Variants in BABAM2 observed in about 807,000 individuals in gnomAD.
BABAM2 encodes BRISC and BRCA1 A complex member 2.
Under a neutral mutation model 54.7 loss-of-function variants are expected in BABAM2, and 31 were observed. The ratio of observed to expected loss-of-function variants is 0.57; its 90% CI spans 0.43 to 0.77. The LOEUF is 0.77. Ranked by LOEUF, BABAM2 falls within the 30% of genes least tolerant of loss-of-function variation. The pLI is 0.00. For synonymous variants in BABAM2, 167 were observed against 162.9 expected (o/e 1.03, Z -0.19); for missense variants, 364 against 455.8 (o/e 0.80, Z 1.83).
At chr2:28,190,120 C>T (rs1676741723) in intron 7 of BABAM2, among the ~76,000 whole-genome samples, 1 of 152,162 alleles carries the variant, frequency 6.6e-6, no homozygotes, top group Admixed American at 6.5e-5. Context: ...ATCCTTACCC[C>T]ATAGCATGTA....
intron 11 of BABAM2, among the ~76,000 whole-genome samples, chr2:28,337,790 G>A (rs114554507): frequency 0.029 from 4,490 of 152,276 alleles, 241 homozygotes; most frequent in African/African-American, 0.1. Context: ...TTTGAGACCA[G>A]TCTGGGTAAT....
chr2:27,994,850 G>A (rs957969452), intron 4 of BABAM2, among the ~76,000 whole-genome samples: 2 of 152,204 alleles, frequency 1.3e-5, no homozygotes, highest in African/African-American at 4.8e-5. Context: ...TAGTATAGAT[G>A]ATAGGACAGT....
chr2:28,313,370 G>C (rs1558522999), intron 11 of BABAM2, among the ~76,000 whole-genome samples: 2 of 152,246 alleles, frequency 1.3e-5, no homozygotes. Flanking sequence ...ACATTGAGAA[G>C]AGGATAGAAA....
At chr2:28,285,946 G>A (rs772327161) in intron 10 of BABAM2, among the ~76,000 whole-genome samples, 11 of 150,158 alleles carry the variant, frequency 7.3e-5, no homozygotes, top group South Asian at 2.1e-4. Context: ...TTCTACTAAC[G>A]AATAATAACT....
At chr2:27,952,047 T>A (rs2148408901) in intron 3 of BABAM2, among the ~76,000 whole-genome samples, 1 of 152,262 alleles carries the variant, frequency 6.6e-6, no homozygotes, top group East Asian at 1.9e-4. Flanking sequence ...TTGCTTCATT[T>A]ATTTTGAAGC....
intron 6 of BABAM2, among the ~76,000 whole-genome samples, chr2:28,067,586 C>A (rs1157271339): frequency 1.3e-5 from 2 of 152,136 alleles, no homozygotes; most frequent in African/African-American, 2.4e-5. Context: ...TGTTCAAGGA[C>A]AAACAAGATT....
chr2:27,947,550 A>G (rs951317502), intron 3 of BABAM2, among the ~76,000 whole-genome samples: 1 of 152,146 alleles, frequency 6.6e-6, no homozygotes, highest in African/African-American at 2.4e-5. Context: ...TTTTTAAAAA[A>G]TGGATTCTTA....
intron 6 of BABAM2, among the ~76,000 whole-genome samples, chr2:28,053,596 A>G (rs1678159652): frequency 6.6e-6 from 1 of 152,194 alleles, no homozygotes. Context: ...GATGGTCTGA[A>G]CACTTACACT....
intron 11 of BABAM2, among the ~76,000 whole-genome samples, chr2:28,336,412 T>C (rs1691472492): frequency 6.6e-6 from 1 of 151,934 alleles, no homozygotes; most frequent in Non-Finnish European, 1.5e-5. Flanking sequence ...GAGTGACAGG[T>C]AGGGTGTCCC....
chr2:27,943,184 TTATTTAAAATTTCTTGTAC>T (rs1669056705), intron 3 of BABAM2, among the ~76,000 whole-genome samples: 1 of 152,222 alleles, frequency 6.6e-6, no homozygotes, highest in South Asian at 2.1e-4. Flanking sequence ...CAATGTTATT[TTATTTAAAATTTCTTGTAC>T]TATTTAAAAT....
chr2:28,032,349 G>A (rs1676357559), intron 5 of BABAM2, among the ~76,000 whole-genome samples: 1 of 152,122 alleles, frequency 6.6e-6, no homozygotes, highest in Admixed American at 6.5e-5. Flanking sequence ...CCATGTAGAA[G>A]AGGAAAAGGG....
At chr2:28,066,891 C>T (rs1047617969) in intron 6 of BABAM2, among the ~76,000 whole-genome samples, 4 of 152,178 alleles carry the variant, frequency 2.6e-5, no homozygotes, top group Admixed American at 6.5e-5. Flanking sequence ...TTATCTCCAC[C>T]GTTTGAAGGT....
chr2:28,099,001 ACT>A (rs1199879949), intron 6 of BABAM2, among the ~76,000 whole-genome samples: 1 of 151,852 alleles, frequency 6.6e-6, no homozygotes, highest in East Asian at 1.9e-4. Flanking sequence ...AGTTCCTCTA[ACT>A]CCCCTTGTTT....
At chr2:28,211,736 A>T (rs935584811) in intron 7 of BABAM2, among the ~76,000 whole-genome samples, 8 of 152,064 alleles carry the variant, frequency 5.3e-5, no homozygotes, top group Non-Finnish European at 8.8e-5. Flanking sequence ...AAGGGGTCCT[A>T]TAATATTATA....
chr2:28,233,206 G>A lies in BABAM2; in HGVS notation c.681-3996G>A, dbSNP rs1177473054. 3 of 471,504 alleles carry A rather than the reference G, an allele frequency of 6.4e-6. No individual in the cohort carries two copies. In the East Asian group the frequency reaches 2.1e-4, roughly 33 times the overall value. 29.2% of individuals were successfully genotyped at this position (471,504 alleles called of 1,614,324 possible). A position where few individuals can be genotyped will look rare whatever the true frequency, so the allele number is the denominator to read the frequency against. On this transcript the variant is annotated intron_variant, in intron 7 of 11. Coordinates refer to ENST00000379624, the MANE Select transcript of BABAM2 (RefSeq NM_199191.3). ...CCCGCTTCCTCCCCGCACCACTCTG[G>A]GGATCAGAAGTATCAGTGCCAAGTG...
intron 3 of BABAM2, among the ~76,000 whole-genome samples, chr2:27,940,992 A>C (rs921076093): frequency 1.3e-5 from 2 of 152,046 alleles, no homozygotes; most frequent in African/African-American, 4.8e-5. Flanking sequence ...GAGCCCCTAC[A>C]TGAGGACTCA....
chr2:28,147,819 G>A (rs1671646231), intron 7 of BABAM2, among the ~76,000 whole-genome samples: 1 of 152,130 alleles, frequency 6.6e-6, no homozygotes, highest in Admixed American at 6.5e-5. Flanking sequence ...TCTCAACGTG[G>A]ATGTTGTACT....
chr2:28,035,367 G>T (rs960803233), intron 5 of BABAM2, among the ~76,000 whole-genome samples: 3 of 152,158 alleles, frequency 2.0e-5, no homozygotes, highest in Non-Finnish European at 2.9e-5. Flanking sequence ...CTGGCATGAG[G>T]ATGTAGTAGG....
chr2:28,021,983 C>T (rs899097353), intron 4 of BABAM2, among the ~76,000 whole-genome samples: 7 of 152,076 alleles, frequency 4.6e-5, no homozygotes, highest in African/African-American at 1.7e-4. Context: ...TAAGTGGAAC[C>T]GGAATTGAGG....
Sources: gnomAD v4.1 joint callset for allele counts (sites outside exome capture counted in the v4.1 genomes callset) on GRCh38, gnomAD v4.1.1 for gene constraint, MANE v1.5 for transcripts, NCBI Gene and HGNC (gene_info 2026-07-23, HGNC 2026-07-21) for gene names.